Variants in MYLK4 observed in about 807,000 individuals in gnomAD.
MYLK4 encodes the protein caMLCK like.
A neutral mutation model predicts 48.1 loss-of-function variants in MYLK4; 46 were observed. The ratio of observed to expected loss-of-function variants is 0.96; its 90% CI spans 0.75 to 1.22. The LOEUF (loss-of-function observed/expected upper bound fraction) is 1.22, where lower values mean the gene tolerates loss of function less well. MYLK4 is among the 50% of genes most tolerant of loss of function. MYLK4 has a pLI of 0.00. For synonymous variants in MYLK4, 170 were observed against 180.8 expected, an observed-to-expected ratio of 0.94 and a Z score of 0.48; for missense variants, 451 against 486.1, an observed-to-expected ratio of 0.93 and a Z score of 0.68.
intron 2 of MYLK4, among the ~76,000 whole-genome samples, chr6:2,724,109 C>T (rs1763164868): frequency 1.3e-5 from 2 of 152,100 alleles, no homozygotes; most frequent in South Asian, 4.1e-4. Context: ...AACTCCTGAC[C>T]TCAAATGATC....
intron 6 of MYLK4, among the ~76,000 whole-genome samples, chr6:2,684,118 CA>C (rs1369618847): frequency 1.3e-5 from 2 of 152,066 alleles, no homozygotes; most frequent in East Asian, 3.9e-4. Context: ...AACAACACGC[CA>C]GCTGCACTAC....
At chr6:2,755,197 A>T (rs9405585), upstream of MYLK4, among the ~76,000 whole-genome samples, 148,978 of 152,330 alleles carry the variant, frequency 0.98, 72,953 homozygotes, top group East Asian at 1. Context: ...TATTACATAA[A>T]GTTTCAGTTT....
At chr6:2,715,297 T>C (rs1321187518) in intron 2 of MYLK4, among the ~76,000 whole-genome samples, 1 of 151,238 alleles carries the variant, frequency 6.6e-6, no homozygotes, top group Non-Finnish European at 1.5e-5. Flanking sequence ...TGCAGTTTTG[T>C]AGGAAGAAAA....
At chr6:2,737,797 G>A (rs937225804) in intron 2 of MYLK4, among the ~76,000 whole-genome samples, 3 of 152,062 alleles carry the variant, frequency 2.0e-5, no homozygotes, top group Non-Finnish European at 4.4e-5. Flanking sequence ...GAGCAGGAAA[G>A]ATATTGGGTC....
intron 10 of MYLK4, among the ~76,000 whole-genome samples, chr6:2,677,178 T>C (rs1211200261): frequency 6.6e-6 from 1 of 152,186 alleles, no homozygotes; most frequent in African/African-American, 2.4e-5. Context: ...TTAAAAAATA[T>C]CTATCCCTTT....
rs544857420 is a variant in MYLK4, at chr6:2,690,514, T to G, written c.236-1558A>C. On this transcript the variant is annotated intron_variant, in intron 3 of 12. Transcript: ENST00000274643. ...AAACATTCAGATGGTGGAAATTCTT[T>G]AAGAAGGTTTTCTTAAAACAGTGTT... Among the ~76,000 whole-genome samples, 1,257 of 152,328 alleles carry G rather than the reference T, an allele frequency of 8.3e-3. 22 individuals carry two copies. The highest frequency in any genetic ancestry group is 0.029 in the African/African-American group (1,197 of 41,574).
intron 2 of MYLK4, among the ~76,000 whole-genome samples, chr6:2,711,758 T>C (rs559063575): frequency 6.6e-6 from 1 of 152,212 alleles, no homozygotes; most frequent in South Asian, 2.1e-4. Flanking sequence ...ATCCATGAAC[T>C]GAAAACAACT....
chr6:2,745,113 T>C (rs377126452), intron 2 of MYLK4, among the ~76,000 whole-genome samples: 19 of 152,024 alleles, frequency 1.2e-4, no homozygotes, highest in African/African-American at 4.6e-4. Flanking sequence ...ATGGGGGTGG[T>C]ACACCGAGGA....
the MYLK4 span, among the ~76,000 whole-genome samples, chr6:2,764,644 G>A: frequency 1.3e-5 from 2 of 152,066 alleles, no homozygotes; most frequent in Admixed American, 6.5e-5. Flanking sequence ...ATTTCTATCC[G>A]TCTAGGACGT....
At chr6:2,668,475 A>T (rs909047268) in intron 12 of MYLK4, among the ~76,000 whole-genome samples, 2 of 152,220 alleles carry the variant, frequency 1.3e-5, no homozygotes, top group African/African-American at 4.8e-5. Flanking sequence ...TGATTTTGGG[A>T]ATGTTTCCTC....
At chr6:2,679,438 G>A (rs778236560) in intron 8 of MYLK4, 30 bp from the exon 9 acceptor site, 1 of 1,613,952 alleles carries the variant, frequency 6.2e-7, no homozygotes, top group African/African-American at 1.3e-5. Context: ...GTGGAAGGAT[G>A]GACGTGTCGA....
At chr6:2,699,009 G>C (rs1428886247) in intron 2 of MYLK4, among the ~76,000 whole-genome samples, 1 of 152,202 alleles carries the variant, frequency 6.6e-6, no homozygotes, top group Non-Finnish European at 1.5e-5. Flanking sequence ...ATGACATCAG[G>C]TGGAGTCAGT....
At chr6:2,760,139 G>T in the MYLK4 span, among the ~76,000 whole-genome samples, 127,569 of 152,192 alleles carry the variant, frequency 0.84, 53,639 homozygotes, top group East Asian at 0.92. Flanking sequence ...ATGTGCATAG[G>T]TTACAAAAAA....
chr6:2,736,369 C>T (rs1416668109), intron 2 of MYLK4, among the ~76,000 whole-genome samples: 1 of 152,244 alleles, frequency 6.6e-6, no homozygotes, highest in Non-Finnish European at 1.5e-5. Context: ...AATCACCTGC[C>T]TCGGCCTCCC....
chr6:2,763,913 G>T, the MYLK4 span, among the ~76,000 whole-genome samples: 130 of 152,236 alleles, frequency 8.5e-4, no homozygotes, highest in African/African-American at 2.9e-3. Context: ...TTGGGAGACC[G>T]AGGTGGGCGG....
At chr6:2,690,823 CTTTTTT>C (rs35133716) in intron 3 of MYLK4, among the ~76,000 whole-genome samples, 2 of 88,834 alleles carry the variant, frequency 2.3e-5, no homozygotes, top group African/African-American at 4.7e-5. Context: ...CTCTCTGAAT[CTTTTTT>C]TTTTTTTTTT....
intron 2 of MYLK4, among the ~76,000 whole-genome samples, chr6:2,718,198 A>G (rs1220006459): frequency 2.2e-5 from 3 of 137,090 alleles, no homozygotes; most frequent in African/African-American, 7.8e-5. Flanking sequence ...AAAAAAAAAA[A>G]AAAGAAAAAG....
At chr6:2,769,131 C>T in the MYLK4 span, among the ~76,000 whole-genome samples, 1 of 152,086 alleles carries the variant, frequency 6.6e-6, no homozygotes, top group African/African-American at 2.4e-5. Context: ...AGAAAAGCAC[C>T]TTTGAATCAA....
rs749370476 is a variant in MYLK4, at chr6:2,685,595, G to A, written c.342-19C>T. ...ACGCCCTCTGCCAAAAAGAGGAAGC[G>A]GCGTAGCATGAGGCCCTGTGGTCAG... On this transcript the variant is annotated intron_variant, in intron 4 of 12. Transcript: ENST00000274643. This position sits in a 1 kb window ranked among gnomAD's most constrained non-coding sequence, Gnocchi z 4.5. 2.0e-5 allele frequency: 32 copies of A among 1,612,604 alleles called. No individual in the cohort carries two copies. Among genetic ancestry groups the A allele is most frequent in the South Asian group, 3.3e-5 (3 of 91,016 alleles).
Sources: allele counts gnomAD v4.1 joint callset (sites outside exome capture counted in the v4.1 genomes callset), GRCh38; gene constraint gnomAD v4.1.1; non-coding constraint Gnocchi (gnomAD v3.1); transcripts MANE v1.5; gene names NCBI Gene and HGNC (gene_info 2026-07-23, HGNC 2026-07-21).